The following BBS9 variants were observed in gnomAD, a reference collection of about 807,000 sequenced individuals.
BBS9 encodes protein PTHB1.
BBS9 carries 89 observed loss-of-function variants against 117.7 expected under a neutral mutation model. The observed-to-expected ratio is 0.76, with a 90% confidence interval of 0.64 to 0.90. BBS9 has a LOEUF of 0.90. Among genes scored for constraint, BBS9 ranks in the 40% least tolerant of loss-of-function variants. BBS9 has a pLI of 0.00. For missense variants in BBS9, 982 were observed against 1,042.2 expected (o/e 0.94, Z 0.80); for synonymous variants, 379 against 370.9 (o/e 1.02, Z -0.25).
intron 19 of BBS9, among the ~76,000 whole-genome samples, chr7:33,493,811 C>T (rs918449100): frequency 2.0e-5 from 3 of 152,138 alleles, no homozygotes; most frequent in South Asian, 2.1e-4. Context: ...TGCTGGAATT[C>T]GTGTACCCTG....
At chr7:33,163,581 T>G (rs955307441) in intron 4 of BBS9, among the ~76,000 whole-genome samples, 2 of 152,218 alleles carry the variant, frequency 1.3e-5, no homozygotes, top group Non-Finnish European at 1.5e-5. Flanking sequence ...GTCCAGGAAT[T>G]TATCCATTTC....
chr7:33,375,989 T>A (rs1203057232), intron 17 of BBS9, among the ~76,000 whole-genome samples: 1 of 152,190 alleles, frequency 6.6e-6, no homozygotes, highest in Non-Finnish European at 1.5e-5. Flanking sequence ...TTAAAGTTAC[T>A]GAAAATATCA....
At chr7:33,249,502 A>T (rs565980629) in intron 5 of BBS9, among the ~76,000 whole-genome samples, 1 of 148,344 alleles carries the variant, frequency 6.7e-6, no homozygotes, top group East Asian at 2.0e-4. Context: ...ACAGGCATGA[A>T]TTTTTTTTTT....
chr7:33,301,774 T>G (rs1405125740), intron 9 of BBS9, among the ~76,000 whole-genome samples: 2 of 152,156 alleles, frequency 1.3e-5, no homozygotes, highest in Non-Finnish European at 2.9e-5. Context: ...CTGATTTGCT[T>G]TCTTTTGTGT....
intron 9 of BBS9, chr7:33,314,481 T>C: frequency 4.7e-6 from 1 of 211,672 alleles, no homozygotes; most frequent in Non-Finnish European, 9.6e-6. Flanking sequence ...GGAAGGAATA[T>C]TACATGACTG....
At chr7:33,505,746 A>C in intron 20 of BBS9, 101 bp downstream of exon 20, 1 of 1,286,034 alleles carries the variant, frequency 7.8e-7, no homozygotes, top group Non-Finnish European at 1.1e-6. Flanking sequence ...GTATCAAATA[A>C]GGGTTTGATT....
intron 19 of BBS9, among the ~76,000 whole-genome samples, chr7:33,492,745 G>A (rs896250458): frequency 1.3e-5 from 2 of 150,358 alleles, no homozygotes; most frequent in Admixed American, 6.7e-5. Context: ...GTCATTTATA[G>A]GTATTTCTCA....
intron 20 of BBS9, among the ~76,000 whole-genome samples, chr7:33,510,395 A>T (rs1846763372): frequency 6.6e-6 from 1 of 151,960 alleles, no homozygotes; most frequent in East Asian, 1.9e-4. Flanking sequence ...AGAGTGTTGA[A>T]TTGTGGTATT....
At chr7:33,235,590 G>C (rs1167275803) in intron 5 of BBS9, among the ~76,000 whole-genome samples, 2 of 152,146 alleles carry the variant, frequency 1.3e-5, no homozygotes, top group Non-Finnish European at 2.9e-5. Flanking sequence ...TTATAAAGAT[G>C]CATTAAAATG....
At chr7:33,415,838 G>GA (rs1406527026) in intron 19 of BBS9, among the ~76,000 whole-genome samples, 3 of 151,916 alleles carry the variant, frequency 2.0e-5, no homozygotes. Flanking sequence ...TTTTAATTAA[G>GA]AAAAAAAATT....
rs374530785 is a variant in BBS9, at chr7:33,346,553, A to G, written c.1329+1919A>G. Among the ~76,000 whole-genome samples, 3 of 152,340 alleles carry G rather than the reference A, an allele frequency of 2.0e-5. No homozygotes were observed. The East Asian group carries it at 5.8e-4, about 29-fold the overall frequency. On this transcript the variant is annotated intron_variant, in intron 12 of 22. Transcript: ENST00000242067. The stretch of plus-strand genomic sequence containing the variant: ...AATTATTTTCCTGTTAAAATATAAG[A>G]CTTGTGATCTAGCCAAGTCTTTAAC...
At chr7:33,178,084 C>T (rs1797589175) in intron 5 of BBS9, among the ~76,000 whole-genome samples, 1 of 152,196 alleles carries the variant, frequency 6.6e-6, no homozygotes, top group African/African-American at 2.4e-5. Flanking sequence ...CTACCTGCTA[C>T]AGGCAGGATA....
intron 9 of BBS9, among the ~76,000 whole-genome samples, chr7:33,329,472 T>C (rs1813532017): frequency 6.6e-6 from 1 of 152,172 alleles, no homozygotes. Context: ...ACATGCAGTA[T>C]TATGTTTTAC....
intron 21 of BBS9, among the ~76,000 whole-genome samples, chr7:33,633,424 T>C (rs909418970): frequency 6.6e-6 from 1 of 151,928 alleles, no homozygotes; most frequent in African/African-American, 2.4e-5. Context: ...ATCATATTAC[T>C]CAGCTGACAG....
intron 19 of BBS9, among the ~76,000 whole-genome samples, chr7:33,441,239 G>A (rs1584840934): frequency 6.6e-6 from 1 of 151,320 alleles, no homozygotes; most frequent in South Asian, 2.1e-4. Flanking sequence ...CTATTTGTGT[G>A]TATGAGCTGG....
At chr7:33,253,113 A>C (rs1206820342) in intron 5 of BBS9, among the ~76,000 whole-genome samples, 1 of 152,220 alleles carries the variant, frequency 6.6e-6, no homozygotes. Context: ...AATGTTATCT[A>C]ACATGCAGTC....
chr7:33,631,080 T>C (rs1865871444), intron 21 of BBS9, among the ~76,000 whole-genome samples: 1 of 152,036 alleles, frequency 6.6e-6, no homozygotes, highest in Admixed American at 6.5e-5. Flanking sequence ...TTGTTTTTTG[T>C]TGGAAAGTGG....
At chr7:33,572,877 A>G (rs1292337257) in intron 21 of BBS9, among the ~76,000 whole-genome samples, 1 of 152,008 alleles carries the variant, frequency 6.6e-6, no homozygotes, top group East Asian at 1.9e-4. Flanking sequence ...AAATTAATAT[A>G]GGATTGATGG....
chr7:33,154,051 G>A (rs1303726624), intron 3 of BBS9, among the ~76,000 whole-genome samples: 1 of 152,166 alleles, frequency 6.6e-6, no homozygotes, highest in Non-Finnish European at 1.5e-5. Flanking sequence ...GGAAGGGGAG[G>A]AAGTTAACGT....
Sources: gnomAD v4.1 joint callset for allele counts (sites outside exome capture counted in the v4.1 genomes callset) on GRCh38, gnomAD v4.1.1 for gene constraint, MANE v1.5 for transcripts, NCBI Gene and HGNC (gene_info 2026-07-23, HGNC 2026-07-21) for gene names.